FGGY: variants seen among roughly 807,000 people sequenced by gnomAD.
FGGY encodes the protein FGGY carbohydrate kinase domain containing.
In FGGY, 72 loss-of-function variants were observed where a neutral mutation model predicts 71.3. The ratio of observed to expected loss-of-function variants is 1.01; its 90% CI spans 0.84 to 1.23. FGGY has a LOEUF of 1.23. FGGY is among the 50% of genes most tolerant of loss of function. The pLI is 0.00. For synonymous variants in FGGY, 251 were observed against 250.3 expected (o/e 1.00, Z -0.02); for missense variants, 668 against 682.3 (o/e 0.98, Z 0.23).
At chr1:59,701,731 G>T (rs1002909193) in intron 14 of FGGY, among the ~76,000 whole-genome samples, 1 of 151,968 alleles carries the variant, frequency 6.6e-6, no homozygotes, top group African/African-American at 2.4e-5. Flanking sequence ...TTTGGAGAGG[G>T]GTATGCATGT....
At chr1:59,406,359 T>C (rs1388067096) in intron 5 of FGGY, among the ~76,000 whole-genome samples, 2 of 152,010 alleles carry the variant, frequency 1.3e-5, no homozygotes, top group African/African-American at 4.8e-5. Flanking sequence ...ACTCGTGCCA[T>C]GTTTTTCTCA....
At chr1:59,528,263 T>C (rs2095046603) in intron 7 of FGGY, among the ~76,000 whole-genome samples, 1 of 152,262 alleles carries the variant, frequency 6.6e-6, no homozygotes, top group Admixed American at 6.5e-5. Context: ...CAATGTGTTA[T>C]ACTTCCCATG....
chr1:59,733,577 A>T (rs2098068576), intron 14 of FGGY, among the ~76,000 whole-genome samples: 1 of 152,158 alleles, frequency 6.6e-6, no homozygotes, highest in Non-Finnish European at 1.5e-5. Context: ...TCAAGCTTAA[A>T]ACCCACATGA....
chr1:59,553,604 AGT>A (rs1157599494), intron 7 of FGGY, among the ~76,000 whole-genome samples: 2 of 152,214 alleles, frequency 1.3e-5, no homozygotes, highest in Non-Finnish European at 2.9e-5. Flanking sequence ...AGAAAGATTC[AGT>A]CATCAGACCA....
intron 6 of FGGY, among the ~76,000 whole-genome samples, chr1:59,486,245 C>T (rs2093655103): frequency 6.6e-6 from 1 of 152,140 alleles, no homozygotes; most frequent in Non-Finnish European, 1.5e-5. Flanking sequence ...CAAGGAACAG[C>T]AAGGGAAATG....
At chr1:59,679,683 AT>A (rs1308207109) in intron 14 of FGGY, among the ~76,000 whole-genome samples, 1 of 152,098 alleles carries the variant, frequency 6.6e-6, no homozygotes, top group Non-Finnish European at 1.5e-5. Flanking sequence ...ATATTTTAAA[AT>A]CATTTTATAC....
chr1:59,540,704 C>T (rs2095426716), intron 7 of FGGY, among the ~76,000 whole-genome samples: 1 of 152,174 alleles, frequency 6.6e-6, no homozygotes, highest in African/African-American at 2.4e-5. Context: ...ATATCAAAGG[C>T]TCTGGGCCGC....
intron 4 of FGGY, among the ~76,000 whole-genome samples, chr1:59,376,811 C>T (rs2058712172): frequency 6.6e-6 from 1 of 152,146 alleles, no homozygotes; most frequent in Admixed American, 6.5e-5. Flanking sequence ...TAATAGAAAC[C>T]AGGACATGGA....
chr1:59,631,847 A>C (rs1273571044), intron 10 of FGGY, among the ~76,000 whole-genome samples: 3 of 152,214 alleles, frequency 2.0e-5, no homozygotes, highest in African/African-American at 7.2e-5. Context: ...GTTTCTCTTC[A>C]TGTGGGGCCA....
intron 1 of FGGY, among the ~76,000 whole-genome samples, chr1:59,316,496 C>T (rs778643312): frequency 2.1e-4 from 32 of 152,142 alleles, no homozygotes; most frequent in Non-Finnish European, 4.1e-4. Context: ...TGCTAAAACC[C>T]GTTTGCAAAG....
At chr1:59,568,481 A>C (rs2095918475) in intron 8 of FGGY, among the ~76,000 whole-genome samples, 1 of 148,146 alleles carries the variant, frequency 6.8e-6, no homozygotes, top group Admixed American at 6.7e-5. Context: ...GGGTGTTCTT[A>C]TTGTATTACA....
At chr1:59,521,016 G>A (rs903464687) in intron 7 of FGGY, among the ~76,000 whole-genome samples, 3 of 113,456 alleles carry the variant, frequency 2.6e-5, no homozygotes, top group Non-Finnish European at 5.5e-5. Context: ...AGAGGCAGAC[G>A]GTCTGCAAGA....
chr1:59,745,039 T>C (rs2098183830), intron 14 of FGGY, among the ~76,000 whole-genome samples: 2 of 152,218 alleles, frequency 1.3e-5, no homozygotes, highest in Non-Finnish European at 2.9e-5. Flanking sequence ...ACCTCTGCTC[T>C]CTCTATGCTC....
chr1:59,560,443 C>G (rs1012589242), intron 8 of FGGY, among the ~76,000 whole-genome samples: 2 of 152,124 alleles, frequency 1.3e-5, no homozygotes, highest in Admixed American at 6.6e-5. Flanking sequence ...AAAGTATGGT[C>G]TTCAGTTCAT....
intron 14 of FGGY, among the ~76,000 whole-genome samples, chr1:59,704,438 T>G (rs1292796845): frequency 2.0e-5 from 3 of 152,152 alleles, no homozygotes; most frequent in Non-Finnish European, 4.4e-5. Flanking sequence ...ATCACTATTA[T>G]GCGTTTTGTA....
At chr1:59,371,238 A>G (rs993345866) in intron 4 of FGGY, among the ~76,000 whole-genome samples, 1 of 152,098 alleles carries the variant, frequency 6.6e-6, no homozygotes, top group African/African-American at 2.4e-5. Flanking sequence ...GAAAACAAAA[A>G]AAGGCAGGGG....
chr1:59,699,279 G>T, intron 14 of FGGY: 1 of 985,006 alleles, frequency 1.0e-6, no homozygotes. Context: ...GAGTTTAAAA[G>T]GAAATTAAAA....
intron 14 of FGGY, among the ~76,000 whole-genome samples, chr1:59,724,063 T>C (rs919771858): frequency 6.6e-6 from 1 of 151,918 alleles, no homozygotes; most frequent in African/African-American, 2.4e-5. Flanking sequence ...CTCAGGAAGC[T>C]GAGGCAGGAG....
chr1:59,668,486 C>T (rs1483985992), intron 13 of FGGY, among the ~76,000 whole-genome samples: 5 of 152,178 alleles, frequency 3.3e-5, no homozygotes, highest in South Asian at 2.1e-4. Flanking sequence ...ACTTTCTTAC[C>T]TCTGACTTCT....
Sources: gnomAD v4.1 joint callset for allele counts (sites outside exome capture counted in the v4.1 genomes callset) on GRCh38, gnomAD v4.1.1 for gene constraint, MANE v1.5 for transcripts, NCBI Gene and HGNC (gene_info 2026-07-23, HGNC 2026-07-21) for gene names.